Variants in GGTA1 observed in about 807,000 individuals in gnomAD.
GGTA1 encodes the protein glycoprotein alpha-galactosyltransferase 1 (inactive).
In GGTA1, 5 loss-of-function variants were observed where a neutral mutation model predicts 2.6. The observed-to-expected ratio is 1.92, with a 90% CI of 1.00 to 4.04. GGTA1 has a LOEUF of 4.04. Among genes scored for constraint, GGTA1 ranks in the 30% most tolerant of loss-of-function variants. The pLI, the probability that GGTA1 is intolerant of heterozygous loss-of-function variation, is 0.00. For synonymous variants in GGTA1, 17 were observed against 5.0 expected (o/e 3.38, Z -3.19); for missense variants, 50 against 16.7 (o/e 2.99, Z -3.47).
intron 2 of GGTA1, among the ~76,000 whole-genome samples, chr9:121,463,628 A>T (rs1272170237): frequency 1.3e-5 from 2 of 152,010 alleles, no homozygotes; most frequent in Admixed American, 1.3e-4. Context: ...GAGTCAAGAG[A>T]TCCACCCCCG....
chr9:121,454,378 C>A (rs1053307731), downstream of GGTA1, among the ~76,000 whole-genome samples: 4 of 152,214 alleles, frequency 2.6e-5, no homozygotes, highest in Non-Finnish European at 5.9e-5. Context: ...TTGTCCAAGG[C>A]CAAACACCTG....
Position 121,481,945 on chromosome 9 carries a change from G to A in GGTA1, c.-9-14014C>T, listed in dbSNP as rs111407605. On this transcript the variant is annotated intron_variant, in intron 1 of 5. Transcript: ENST00000481799. ...TGGGAGGCAGAGGTTGCAGTGAGCC[G>A]AGATCATGCCATTGCACTCCAGCCT... Among the ~76,000 whole-genome samples the A allele has an allele frequency of 9.8e-4, 148 of 151,128 alleles. 1 individual carries two copies. Among genetic ancestry groups the A allele is most frequent in the African/African-American group, 3.0e-3 (125 of 41,162 alleles).
intron 5 of GGTA1, among the ~76,000 whole-genome samples, chr9:121,459,331 C>A (rs1435202224): frequency 2.0e-5 from 3 of 152,152 alleles, no homozygotes; most frequent in Non-Finnish European, 4.4e-5. Flanking sequence ...GTGGCGCACA[C>A]CAAGCCTCCT....
At chr9:121,463,216 G>A (rs973030258) in intron 3 of GGTA1, 77 bp downstream of exon 3, 10 of 441,742 alleles carry the variant, frequency 2.3e-5, no homozygotes, top group Non-Finnish European at 3.6e-5. Flanking sequence ...TGGCTGCCGT[G>A]TGAAGAATGG....
At chr9:121,474,790 T>G (rs16910651) in intron 1 of GGTA1, among the ~76,000 whole-genome samples, 9,475 of 151,906 alleles carry the variant, frequency 0.062, 351 homozygotes, top group East Asian at 0.11. Flanking sequence ...AGAGCAGGAA[T>G]CCGGCAGGGT....
At chr9:121,478,293 C>T (rs7857392) in intron 1 of GGTA1, among the ~76,000 whole-genome samples, 3,419 of 152,302 alleles carry the variant, frequency 0.022, 133 homozygotes, top group African/African-American at 0.077. Context: ...CAGGCACCTT[C>T]TGTGTGCGTG....
intron 1 of GGTA1, among the ~76,000 whole-genome samples, chr9:121,496,560 C>G (rs1828996276): frequency 6.6e-6 from 1 of 151,354 alleles, no homozygotes; most frequent in East Asian, 1.9e-4. Flanking sequence ...GAAACCCCAA[C>G]TCTACTAAAA....
intron 1 of GGTA1, among the ~76,000 whole-genome samples, chr9:121,483,204 A>C (rs1286149496): frequency 6.6e-6 from 1 of 152,136 alleles, no homozygotes. Flanking sequence ...CACTATTTTC[A>C]AAGGTCAACA....
At chr9:121,473,060 C>T (rs567769721) in intron 1 of GGTA1, among the ~76,000 whole-genome samples, 10 of 152,244 alleles carry the variant, frequency 6.6e-5, no homozygotes, top group African/African-American at 2.2e-4. Context: ...GGGTGCAAAC[C>T]TGTAATCTCA....
At chr9:121,497,342 G>A (rs78033162) in intron 1 of GGTA1, among the ~76,000 whole-genome samples, 10,909 of 152,118 alleles carry the variant, frequency 0.072, 446 homozygotes, top group Middle Eastern at 0.099. Context: ...CCCCTCCTTC[G>A]GTTGTTCTCC....
At chr9:121,486,935 A>T (rs565508673) in intron 1 of GGTA1, among the ~76,000 whole-genome samples, 1 of 152,200 alleles carries the variant, frequency 6.6e-6, no homozygotes, top group South Asian at 2.1e-4. Context: ...AGGTACCCCT[A>T]TTTGCTCTTC....
chr9:121,464,064 TCTC>T (rs2064983655), intron 2 of GGTA1, among the ~76,000 whole-genome samples: 1 of 152,158 alleles, frequency 6.6e-6, no homozygotes, highest in Non-Finnish European at 1.5e-5. Context: ...ACTTTTCATA[TCTC>T]CTCAACAACC....
chr9:121,449,839 CA>C (rs35123086), intron 7 of GGTA1, among the ~76,000 whole-genome samples: 8,651 of 94,002 alleles, frequency 0.092, 156 homozygotes, highest in African/African-American at 0.13. Context: ...GACTCCATCT[CA>C]AAAAAAAAAA....
chr9:121,457,593 CG>C (rs1183425284), intron 5 of GGTA1, among the ~76,000 whole-genome samples: 5 of 149,194 alleles, frequency 3.4e-5, no homozygotes, highest in Non-Finnish European at 7.4e-5. Flanking sequence ...CCCAGCTACT[CG>C]GGAGGCTGAG....
intron 1 of GGTA1, among the ~76,000 whole-genome samples, chr9:121,483,459 A>T (rs1828696840): frequency 6.6e-6 from 1 of 151,982 alleles, no homozygotes; most frequent in African/African-American, 2.4e-5. Context: ...TCATCCTCAA[A>T]CTCTCAAAAC....
chr9:121,497,368 G>A (rs764452603), intron 1 of GGTA1, among the ~76,000 whole-genome samples: 5 of 152,104 alleles, frequency 3.3e-5, no homozygotes, highest in African/African-American at 4.8e-5. Flanking sequence ...CCTCTGCCCC[G>A]TCTCCATGAC....
chr9:121,492,387 C>T (rs530348698), intron 1 of GGTA1, among the ~76,000 whole-genome samples: 2 of 152,320 alleles, frequency 1.3e-5, no homozygotes, highest in African/African-American at 2.4e-5. Context: ...CGGGGTAGGA[C>T]GTGACCACCT....
At chr9:121,495,462 A>G (rs10124999) in intron 1 of GGTA1, among the ~76,000 whole-genome samples, 41,086 of 151,954 alleles carry the variant, frequency 0.27, 6,079 homozygotes, top group Middle Eastern at 0.37. Context: ...CAGGAGAATC[A>G]CTTGAACCCG....
At chr9:121,471,874 G>A (rs1270183905) in intron 1 of GGTA1, among the ~76,000 whole-genome samples, 1 of 152,232 alleles carries the variant, frequency 6.6e-6, no homozygotes, top group Non-Finnish European at 1.5e-5. Flanking sequence ...AGCATTGAGT[G>A]CTGGAAAAGT....
Sources: gnomAD v4.1 joint callset for allele counts (sites outside exome capture counted in the v4.1 genomes callset) on GRCh38, gnomAD v4.1.1 for gene constraint, MANE v1.5 for transcripts, NCBI Gene and HGNC (gene_info 2026-07-23, HGNC 2026-07-21) for gene names.